Variants in PPARA observed in about 807,000 individuals in gnomAD.
PPARA encodes peroxisome proliferator activated receptor alpha.
In PPARA, 22 loss-of-function variants were observed where a neutral mutation model predicts 42.2. The ratio of observed to expected loss-of-function variants is 0.52; its 90% CI spans 0.37 to 0.74. The LOEUF is 0.74. Among genes scored for constraint, PPARA ranks in the 30% least tolerant of loss-of-function variants. The pLI, the probability that PPARA is intolerant of heterozygous loss-of-function variation, is 0.00. For synonymous variants in PPARA, 242 were observed against 239.3 expected (o/e 1.01, Z -0.10); for missense variants, 465 against 608.2 (o/e 0.76, Z 2.48).
rs925004061 is a variant in PPARA at position 46,155,935 on chromosome 22, C to T, written c.-127+3965C>T. On this transcript the variant is annotated intron_variant, in intron 2 of 8. Transcript: ENST00000407236. ...TGCAGGCATATTTTCCAGACAGGAC[C>T]GGATTTGCTCGTTACTCAGAGGTGT... The T allele has an allele frequency of 3.3e-5, 5 of 152,196 alleles. No individual in the cohort carries two copies. In the East Asian group the frequency reaches 7.7e-4, roughly 23 times the overall value. 9.4% of individuals were successfully genotyped at this position (152,196 alleles called of 1,614,324 possible).
intron 4 of PPARA, 119 bp from the exon 5 acceptor site, chr22:46,215,054 C>G (rs1358826290): frequency 1.6e-6 from 2 of 1,289,400 alleles, no homozygotes; most frequent in African/African-American, 1.5e-5. Context: ...CATGGGTGTT[C>G]TGAGGTTTAT....
rs1216341148 is a variant in PPARA, at chr22:46,193,575, T to A, written c.-42-4767T>A. Among the ~76,000 whole-genome samples, 1 of 152,140 alleles carries A rather than the reference T, an allele frequency of 6.6e-6. No individual in the cohort carries two copies. The highest frequency in any genetic ancestry group is 2.4e-5 in the African/African-American group (1 of 41,436). The stretch of plus-strand genomic sequence containing the variant: ...CCCATAAATATATACACTGAGTATA[T>A]ACCACAAATATTTTAAATAATTTTT... On this transcript the variant is annotated intron_variant, in intron 3 of 8. Transcript: ENST00000407236. This position sits in a 1 kb window ranked among gnomAD's most constrained non-coding sequence, Gnocchi z 5.3.
chr22:46,194,882 C>A (rs1393250382), intron 3 of PPARA, among the ~76,000 whole-genome samples: 2 of 135,822 alleles, frequency 1.5e-5, no homozygotes, highest in Admixed American at 1.5e-4. Context: ...CCCCAGCTAC[C>A]TGTTTTCTTT....
intron 3 of PPARA, among the ~76,000 whole-genome samples, chr22:46,178,390 G>C (rs1336165732): frequency 1.3e-5 from 2 of 152,166 alleles, no homozygotes; most frequent in Non-Finnish European, 2.9e-5. Context: ...TGTTCTTCAA[G>C]ATGCTGGACA....
intron 2 of PPARA, among the ~76,000 whole-genome samples, chr22:46,158,267 C>G (rs1031450195): frequency 2.6e-5 from 4 of 152,040 alleles, no homozygotes; most frequent in African/African-American, 9.7e-5. Context: ...ATTAGCCAGG[C>G]TTGGTATCAG....
In PPARA at chr22:46,203,439, C is replaced by T. The variant is rs1456945960; in HGVS notation, c.208+4848C>T. On this transcript the variant is annotated intron_variant, in intron 4 of 8. Transcript: ENST00000407236. The surrounding 1 kb of genome is among the most constrained non-coding windows in gnomAD (Gnocchi z 5.8). ...ATTGCCATAATTGACATACAATAAACTGCATGTATTTAAAGTGTACAATCT... is the reference window on the plus strand; with the variant it reads ...ATTGCCATAATTGACATACAATAAATTGCATGTATTTAAAGTGTACAATCT... 6.6e-6 allele frequency among the ~76,000 whole-genome samples: 1 copy of T among 152,144 alleles called. No individual in the cohort carries two copies. Among genetic ancestry groups the T allele is most frequent in the Non-Finnish European group, 1.5e-5 (1 of 68,030 alleles).
At chr22:46,166,646 C>G (rs912189511) in intron 2 of PPARA, among the ~76,000 whole-genome samples, 1 of 150,338 alleles carries the variant, frequency 6.7e-6, no homozygotes, top group Non-Finnish European at 1.5e-5. Flanking sequence ...AAACAGTAAT[C>G]AAGCATGAAA....
Position 46,236,220 on chromosome 22 carries a change from C to G in PPARA, c.*840C>G, listed in dbSNP as rs561808754. ...TAAGACTGCACCACTGCACTCCAGC[C>G]TGGTGACAGAACGAGACTCTGTCTT... On this transcript the variant is annotated 3_prime_UTR_variant, in exon 9 of 9. Transcript: ENST00000407236. The surrounding 1 kb of genome is among the most constrained non-coding windows in gnomAD (Gnocchi z 5.2). The G allele has an allele frequency of 6.6e-6, 1 of 152,660 alleles. No individual in the cohort carries two copies. Among genetic ancestry groups the G allele is most frequent in the East Asian group, 1.9e-4 (1 of 5,180 alleles). The allele number at this position is 152,660 out of a possible 1,614,324, so 9.5% of individuals were successfully genotyped here.
rs112819315 is a variant in PPARA, at chr22:46,196,869, C to T, written c.-42-1473C>T. On this transcript the variant is annotated intron_variant, in intron 3 of 8. Transcript: ENST00000407236. This position sits in a 1 kb window ranked among gnomAD's most constrained non-coding sequence, Gnocchi z 5.6. Reference sequence around the variant, plus strand: ...TCCTGAGTAGCTGGGATTACAGGTGCCTGCCACCATGCCCAGCTAATTTTT... The same window carrying T: ...TCCTGAGTAGCTGGGATTACAGGTGTCTGCCACCATGCCCAGCTAATTTTT... 6.8e-3 allele frequency among the ~76,000 whole-genome samples: 1,031 copies of T among 152,034 alleles called. 15 individuals carry two copies. Among genetic ancestry groups the T allele is most frequent in the African/African-American group, 0.024 (998 of 41,472 alleles).
At chr22:46,198,628 A>G (rs775903668) in intron 4 of PPARA, 37 bp downstream of exon 4, 2 of 1,508,408 alleles carry the variant, frequency 1.3e-6, no homozygotes, top group Admixed American at 1.7e-5. Flanking sequence ...TTATTTAGAA[A>G]TGTTTCTTCC....
intron 2 of PPARA, among the ~76,000 whole-genome samples, chr22:46,172,366 C>T (rs548590268): frequency 2.0e-5 from 3 of 150,160 alleles, no homozygotes; most frequent in Non-Finnish European, 4.4e-5. Flanking sequence ...CAGTGGCTCA[C>T]GCCTGTAATC....
At position 46,242,713 on chromosome 22, in the gene PPARA, C is replaced by CT. The variant is rs1216310323; in HGVS notation, c.*7334dup. 2.7e-5 allele frequency: 4 copies of CT among 148,818 alleles called. No homozygotes were observed. Among genetic ancestry groups the CT allele is most frequent in the African/African-American group, 1.0e-4 (4 of 38,984 alleles). The allele number at this position is 148,818 out of a possible 1,614,324, so 9.2% of individuals were successfully genotyped here. On this transcript the variant is annotated 3_prime_UTR_variant, in exon 9 of 9. Coordinates refer to ENST00000407236, the MANE Select transcript of PPARA (RefSeq NM_005036.6). The surrounding 1 kb of genome is among the most constrained non-coding windows in gnomAD (Gnocchi z 6.1). ...GCTGAAATCAAACATCTAAAATACACTGCGTACACGTGTGCGTGCACACAC... is the reference window on the plus strand; with the variant it reads ...GCTGAAATCAAACATCTAAAATACACTTGCGTACACGTGTGCGTGCACACAC...
rs559366119 is a variant in PPARA at position 46,191,558 on chromosome 22, T to C, written c.-42-6784T>C. On this transcript the variant is annotated intron_variant, in intron 3 of 8. Transcript: ENST00000407236. The surrounding 1 kb of genome is among the most constrained non-coding windows in gnomAD (Gnocchi z 4.6). ...GATGATTAAAATTCACTCTGCAAAT[T>C]AGATCACCTTTCCCACGCAGAGTCC... Among the ~76,000 whole-genome samples, 1 of 152,078 alleles carries C rather than the reference T, an allele frequency of 6.6e-6. No homozygotes were observed. The highest frequency in any genetic ancestry group is 1.9e-4 in the East Asian group (1 of 5,176).
chr22:46,193,828 A>ATT lies in PPARA; in HGVS notation c.-42-4513_-42-4512dup, dbSNP rs1931870635. 6.6e-6 allele frequency among the ~76,000 whole-genome samples: 1 copy of ATT among 152,098 alleles called. No individual in the cohort carries two copies. Among genetic ancestry groups the ATT allele is most frequent in the South Asian group, 2.1e-4 (1 of 4,828 alleles). On this transcript the variant is annotated intron_variant, in intron 3 of 8. Coordinates refer to ENST00000407236, the MANE Select transcript of PPARA (RefSeq NM_005036.6). The surrounding 1 kb of genome is among the most constrained non-coding windows in gnomAD (Gnocchi z 5.3). ...GAAGATCTAATTCAGTGCTGTTTGC[A>ATT]TTGTCTTGCCTCCTGGACCAGAGGT... is the stretch of plus-strand genomic sequence containing the variant.
intron 2 of PPARA, among the ~76,000 whole-genome samples, chr22:46,170,727 A>G (rs1464734201): frequency 4.0e-5 from 6 of 151,856 alleles, no homozygotes; most frequent in Admixed American, 2.0e-4. Flanking sequence ...AATACCCACA[A>G]TGAGAGTTGT....
rs564747278 is a variant in PPARA, at chr22:46,225,748, C to T, written c.711+5734C>T. On this transcript the variant is annotated intron_variant, in intron 7 of 8. Transcript: ENST00000407236. The surrounding 1 kb of genome is among the most constrained non-coding windows in gnomAD (Gnocchi z 4.1). ...ACAAGCATCCATGCTCACATGGGTA[C>T]ACACTCACACATCCATGCATGCACG... 6.8e-6 allele frequency among the ~76,000 whole-genome samples: 1 copy of T among 146,902 alleles called. No individual in the cohort carries two copies. Among genetic ancestry groups the T allele is most frequent in the African/African-American group, 2.5e-5 (1 of 40,120 alleles).
Position 46,231,564 on chromosome 22 carries a change from C to A in PPARA, c.712-228C>A. On this transcript the variant is annotated intron_variant, in intron 7 of 8. Coordinates refer to ENST00000407236, the MANE Select transcript of PPARA (RefSeq NM_005036.6). This position sits in a 1 kb window ranked among gnomAD's most constrained non-coding sequence, Gnocchi z 7.7. ...GCGATGAAATCCACCCAATGTCAGG[C>A]GATGACTATTATTATTTTACTGATT... Among the ~76,000 whole-genome samples, 1 of 152,096 alleles carries A rather than the reference C, an allele frequency of 6.6e-6. No homozygotes were observed. Among genetic ancestry groups the A allele is most frequent in the East Asian group, 1.9e-4 (1 of 5,200 alleles).
rs1444939065 is a variant in PPARA, at chr22:46,230,561, C to T, written c.712-1231C>T. On this transcript the variant is annotated intron_variant, in intron 7 of 8. Transcript: ENST00000407236. This position sits in a 1 kb window ranked among gnomAD's most constrained non-coding sequence, Gnocchi z 5.0. ...GGCTCTCCCACACATGTAATCCCTT[C>T]TGAGCATGTTGGCTTCAAATAATAT... Among the ~76,000 whole-genome samples, 1 of 152,194 alleles carries T rather than the reference C, an allele frequency of 6.6e-6. No homozygotes were observed. The highest frequency in any genetic ancestry group is 2.4e-5 in the African/African-American group (1 of 41,436).
intron 2 of PPARA, among the ~76,000 whole-genome samples, chr22:46,166,178 A>G (rs11913649): frequency 0.028 from 4,243 of 152,292 alleles, 208 homozygotes; most frequent in African/African-American, 0.097. Context: ...CATGATGATC[A>G]CTGGCCAATT....
Sources: allele counts gnomAD v4.1 joint callset (sites outside exome capture counted in the v4.1 genomes callset), GRCh38; gene constraint gnomAD v4.1.1; non-coding constraint Gnocchi (gnomAD v3.1); transcripts MANE v1.5; gene names NCBI Gene and HGNC (gene_info 2026-07-23, HGNC 2026-07-21).